The following GAS7 variants were observed in gnomAD, a reference collection of about 807,000 sequenced individuals.
The protein encoded by GAS7 is growth arrest specific 7.
A neutral mutation model predicts 71.1 loss-of-function variants in GAS7; 28 were observed. The ratio of observed to expected loss-of-function variants is 0.39; its 90% confidence interval spans 0.29 to 0.54. GAS7 has a LOEUF of 0.54. Ranked by LOEUF, GAS7 falls within the 20% of genes least tolerant of loss-of-function variation. GAS7 has a pLI of 0.62. For missense variants in GAS7, 436 were observed against 627.8 expected (o/e 0.69, Z 3.27); for synonymous variants, 258 against 245.8 (o/e 1.05, Z -0.46).
rs191576488 is a variant in GAS7, at chr17:9,919,741, C to T, written c.1139-36G>A. 15 of 1,452,398 alleles carry T rather than the reference C, an allele frequency of 1.0e-5. No homozygotes were observed. In the East Asian group the frequency reaches 2.0e-4, roughly 20 times the overall value. The allele number at this position is 1,452,398 out of a possible 1,614,324, so 90.0% of individuals were successfully genotyped here. A position where few individuals can be genotyped will look rare whatever the true frequency, so the allele number is the denominator to read the frequency against. On this transcript the variant is annotated intron_variant, in intron 11 of 13. Coordinates refer to ENST00000432992, the MANE Select transcript of GAS7 (RefSeq NM_201433.2). The surrounding 1 kb of genome is among the most constrained non-coding windows in gnomAD (Gnocchi z 5.0). ...ACCACAGTCACCATCATGAAGCATC[C>T]TATCCTCACCATGACTCTGTGCCCC...
intron 1 of GAS7, among the ~76,000 whole-genome samples, chr17:10,128,511 A>G (rs1257577571): frequency 6.6e-6 from 1 of 151,532 alleles, no homozygotes; most frequent in Non-Finnish European, 1.5e-5. Flanking sequence ...TCCCCCTCTC[A>G]CCCCCTTAAC....
At chr17:10,154,913 T>TAC (rs57604032) in intron 1 of GAS7, among the ~76,000 whole-genome samples, 2,218 of 141,976 alleles carry the variant, frequency 0.016, 42 homozygotes, top group East Asian at 0.091. Flanking sequence ...AACCCCAGGC[T>TAC]ACACACACAC....
At position 10,016,610 on chromosome 17, in the gene GAS7, A is replaced by C. The variant is rs1283221069; in HGVS notation, c.304+3167T>G. 1.0e-4 allele frequency among the ~76,000 whole-genome samples: 15 copies of C among 145,600 alleles called. No homozygotes were observed. In the East Asian group the frequency reaches 1.4e-3, roughly 13 times the overall value. On this transcript the variant is annotated intron_variant, in intron 2 of 13. Transcript: ENST00000432992. ...TGAAACCCTGTCTCTACCAAAAAAA[A>C]AAAAAAAAAAAAAACAAAACAAAAA...
chr17:10,019,148 TC>T (rs2072161314), intron 2 of GAS7, among the ~76,000 whole-genome samples: 1 of 151,730 alleles, frequency 6.6e-6, no homozygotes, highest in Non-Finnish European at 1.5e-5. Context: ...GCCTGGGAGG[TC>T]CCTAATTATT....
intron 2 of GAS7, among the ~76,000 whole-genome samples, chr17:10,005,027 C>CATACA (rs2071416552): frequency 8.1e-6 from 1 of 123,340 alleles, no homozygotes; most frequent in African/African-American, 4.3e-5. Context: ...CGCTCTCTCT[C>CATACA]TCTATATATA....
At chr17:10,161,162 A>G (rs1046849818) in intron 1 of GAS7, among the ~76,000 whole-genome samples, 7 of 152,138 alleles carry the variant, frequency 4.6e-5, no homozygotes, top group Non-Finnish European at 1.0e-4. Context: ...ATTACCAAAG[A>G]TGGTCATGGC....
chr17:9,986,054 C>G (rs368077369), intron 2 of GAS7, among the ~76,000 whole-genome samples: 4 of 152,228 alleles, frequency 2.6e-5, no homozygotes, highest in African/African-American at 7.2e-5. Flanking sequence ...CTAACCTTGA[C>G]ACCTTATCTC....
At chr17:10,021,459 A>C (rs1156449720) in intron 1 of GAS7, among the ~76,000 whole-genome samples, 2 of 152,224 alleles carry the variant, frequency 1.3e-5, no homozygotes, top group Non-Finnish European at 1.5e-5. Flanking sequence ...CTTTGAGTAA[A>C]CACAGCCTCC....
In GAS7 at chr17:10,124,301, C is replaced by T. The variant is rs376813691; in HGVS notation, c.183+73907G>A. On this transcript the variant is annotated intron_variant, in intron 1 of 13. Transcript: ENST00000432992. ...TCCCTCACTCTGCAAGACTTGAGCCCGTGAGGCCTGACCAGAAACACACAC... is the reference window on the plus strand; with the variant it reads ...TCCCTCACTCTGCAAGACTTGAGCCTGTGAGGCCTGACCAGAAACACACAC... 2.0e-4 allele frequency among the ~76,000 whole-genome samples: 31 copies of T among 152,324 alleles called. No individual in the cohort carries two copies. In the East Asian group the frequency reaches 2.9e-3, roughly 14 times the overall value.
intron 1 of GAS7, among the ~76,000 whole-genome samples, chr17:10,129,657 C>G (rs184300677): frequency 2.0e-5 from 3 of 152,340 alleles, no homozygotes; most frequent in African/African-American, 4.8e-5. Flanking sequence ...AATCGGTAAA[C>G]TGGTCTTTAT....
At chr17:10,021,219 A>C (rs914309947) in intron 1 of GAS7, among the ~76,000 whole-genome samples, 105 of 152,330 alleles carry the variant, frequency 6.9e-4, no homozygotes, top group African/African-American at 2.5e-3. Flanking sequence ...CAAACAGTAA[A>C]GGTAATCGGC....
intron 2 of GAS7, among the ~76,000 whole-genome samples, chr17:9,991,407 G>A (rs1258131575): frequency 6.6e-6 from 1 of 152,208 alleles, no homozygotes; most frequent in African/African-American, 2.4e-5. Context: ...GTGGGGAGCA[G>A]GGGCTCCTGT....
intron 1 of GAS7, among the ~76,000 whole-genome samples, chr17:10,071,740 T>C (rs1030859044): frequency 3.3e-5 from 5 of 151,690 alleles, no homozygotes; most frequent in Non-Finnish European, 7.4e-5. Flanking sequence ...GCCTTGCCAA[T>C]ATGGTGAAAC....
At chr17:10,162,066 CAA>C (rs58368044) in intron 1 of GAS7, among the ~76,000 whole-genome samples, 17,110 of 103,264 alleles carry the variant, frequency 0.17, 1,432 homozygotes, top group East Asian at 0.47. Context: ...GACTCCATCT[CAA>C]AAAAAAAAAA....
At chr17:10,113,652 C>T (rs957687292) in intron 1 of GAS7, among the ~76,000 whole-genome samples, 4 of 152,126 alleles carry the variant, frequency 2.6e-5, no homozygotes, top group Admixed American at 1.3e-4. Context: ...TCCCGACACA[C>T]GGTTTCCTGG....
chr17:10,046,866 G>T (rs1177886525), intron 1 of GAS7, among the ~76,000 whole-genome samples: 1 of 127,014 alleles, frequency 7.9e-6, no homozygotes, highest in Non-Finnish European at 1.6e-5. Flanking sequence ...AAAGAAAAAA[G>T]AAAAGAAAAG....
At chr17:10,070,073 G>A (rs1233958294) in intron 1 of GAS7, among the ~76,000 whole-genome samples, 1 of 151,950 alleles carries the variant, frequency 6.6e-6, no homozygotes, top group African/African-American at 2.4e-5. Flanking sequence ...ACCCATCTTG[G>A]CACAGCATCT....
chr17:10,072,761 T>C (rs2073354105), intron 1 of GAS7, among the ~76,000 whole-genome samples: 1 of 152,044 alleles, frequency 6.6e-6, no homozygotes, highest in Non-Finnish European at 1.5e-5. Flanking sequence ...CGAGACGTGA[T>C]GGGGAGAGAG....
At chr17:10,160,464 G>A (rs1367325056) in intron 1 of GAS7, among the ~76,000 whole-genome samples, 3 of 152,120 alleles carry the variant, frequency 2.0e-5, no homozygotes, top group Non-Finnish European at 4.4e-5. Flanking sequence ...TACAGATGTT[G>A]AGAGCTGAGG....
Sources: gnomAD v4.1 joint callset for allele counts (sites outside exome capture counted in the v4.1 genomes callset) on GRCh38, gnomAD v4.1.1 for gene constraint, Gnocchi (gnomAD v3.1) non-coding constraint, MANE v1.5 for transcripts, NCBI Gene and HGNC (gene_info 2026-07-23, HGNC 2026-07-21) for gene names.